CACNA2D1: variants seen among roughly 807,000 people sequenced by gnomAD.
The protein encoded by CACNA2D1 is calcium voltage-gated channel auxiliary subunit alpha2delta 1.
Under a neutral mutation model 171.5 loss-of-function variants are expected in CACNA2D1, and 53 were observed. The observed-to-expected ratio is 0.31, with a 90% CI of 0.25 to 0.39. The LOEUF is 0.39. Among genes scored for constraint, CACNA2D1 ranks in the 10% least tolerant of loss-of-function variants. The probability of loss-of-function intolerance (pLI) is 1.00; values close to 1 mark genes in which losing one functional copy is unlikely to be tolerated. For synonymous variants in CACNA2D1, 442 were observed against 443.1 expected (o/e 1.00, Z 0.03); for missense variants, 903 against 1,299.8 (o/e 0.69, Z 4.69).
intron 38 of CACNA2D1, 101 bp downstream of exon 38, chr7:81,959,174 G>C (rs1793796884): frequency 1.3e-5 from 11 of 818,554 alleles, no homozygotes; most frequent in Non-Finnish European, 1.9e-5. Flanking sequence ...CTATGGTTAA[G>C]ACATTACGTT....
intron 18 of CACNA2D1, among the ~76,000 whole-genome samples, chr7:82,003,240 T>C (rs1798781050): frequency 6.6e-6 from 1 of 152,104 alleles, no homozygotes; most frequent in African/African-American, 2.4e-5. Flanking sequence ...AATTTCTTTT[T>C]CATGGTGTTC....
intron 5 of CACNA2D1, among the ~76,000 whole-genome samples, chr7:82,130,986 T>G (rs1269581734): frequency 6.6e-6 from 1 of 151,898 alleles, no homozygotes; most frequent in Admixed American, 6.6e-5. Context: ...TATTTTTTAG[T>G]AGAGACAGGG....
In CACNA2D1 at chr7:81,984,725, A is replaced by C. The variant is rs775862838; in HGVS notation, c.1797-14T>G. 3.6e-6 allele frequency: 5 copies of C among 1,382,010 alleles called. No individual in the cohort carries two copies. The Admixed American group carries it at 7.7e-5, about 21-fold the overall frequency. 85.6% of individuals were successfully genotyped at this position (1,382,010 alleles called of 1,614,324 possible). On this transcript the variant is annotated splice_polypyrimidine_tract_variant and intron_variant, in intron 21 of 38. Coordinates refer to ENST00000356860, the MANE Select transcript of CACNA2D1 (RefSeq NM_000722.4). ...ACCAAGGCCAAACTGCAATAGAAAC[A>C]AGAGAAGCATAAACACAAACAAACA...
In CACNA2D1 at chr7:82,221,009, C is replaced by T. The variant is rs887002380; in HGVS notation, c.295-50400G>A. On this transcript the variant is annotated intron_variant, in intron 3 of 38. Coordinates refer to ENST00000356860, the MANE Select transcript of CACNA2D1 (RefSeq NM_000722.4). ...CAGACTGGTCTCAAACTCCTGACCT[C>T]GCATGATCTGCCCACCTTGGGTTCC... Among the ~76,000 whole-genome samples, 4 of 152,092 alleles carry T rather than the reference C, an allele frequency of 2.6e-5. No homozygotes were observed. In the East Asian group the frequency reaches 5.8e-4, roughly 22 times the overall value.
intron 3 of CACNA2D1, among the ~76,000 whole-genome samples, chr7:82,181,430 C>T (rs934053458): frequency 6.6e-6 from 1 of 152,178 alleles, no homozygotes; most frequent in Non-Finnish European, 1.5e-5. Context: ...TGCCCAGACC[C>T]GCTGGGGCAG....
In CACNA2D1 at chr7:82,198,071, T is replaced by G. The variant is rs147723919; in HGVS notation, c.295-27462A>C. ...GAATGAGCTCATGGTCCCAGGAGAA[T>G]GCCATTCATTTCTATACCCCCAGTA... On this transcript the variant is annotated intron_variant, in intron 3 of 38. Coordinates refer to ENST00000356860, the MANE Select transcript of CACNA2D1 (RefSeq NM_000722.4). 1.7e-3 allele frequency among the ~76,000 whole-genome samples: 253 copies of G among 152,150 alleles called. 1 individual carries two copies. The highest frequency in any genetic ancestry group is 5.8e-3 in the African/African-American group (240 of 41,546).
rs546808275 is a variant in CACNA2D1, at chr7:82,320,116, A to G, written c.294+15019T>C. Among the ~76,000 whole-genome samples the G allele has an allele frequency of 3.3e-5, 5 of 152,180 alleles. No individual in the cohort carries two copies. The East Asian group carries it at 9.7e-4, about 29-fold the overall frequency. ...TGGAAGACAGATGTTTGCCCCAACC[A>G]GCCTGTTAATTCTGAACTGATTATG... On this transcript the variant is annotated intron_variant, in intron 3 of 38. Transcript: ENST00000356860.
intron 3 of CACNA2D1, among the ~76,000 whole-genome samples, chr7:82,268,823 A>G (rs939114890): frequency 1.3e-5 from 2 of 152,296 alleles, no homozygotes; most frequent in African/African-American, 2.4e-5. Flanking sequence ...TAAATAGCAT[A>G]AGACAGGAAA....
intron 3 of CACNA2D1, among the ~76,000 whole-genome samples, chr7:82,218,422 C>T (rs1381445647): frequency 1.3e-5 from 2 of 152,118 alleles, no homozygotes; most frequent in Non-Finnish European, 2.9e-5. Flanking sequence ...AGCAGTAAGC[C>T]TGAAAACACA....
intron 3 of CACNA2D1, among the ~76,000 whole-genome samples, chr7:82,271,772 A>C (rs1419193252): frequency 6.6e-6 from 1 of 152,158 alleles, no homozygotes; most frequent in Non-Finnish European, 1.5e-5. Context: ...AGCTAATTAC[A>C]ATGGAAAACT....
intron 1 of CACNA2D1, among the ~76,000 whole-genome samples, chr7:82,425,878 C>T (rs1444618686): frequency 6.6e-6 from 1 of 151,058 alleles, no homozygotes; most frequent in East Asian, 2.0e-4. Flanking sequence ...CCTGTAATCC[C>T]TGCAATTTGG....
At chr7:82,001,684 A>T in intron 18 of CACNA2D1, 1 of 1,269,278 alleles carries the variant, frequency 7.9e-7, no homozygotes, top group Non-Finnish European at 1.0e-6. Context: ...CCTTTTTCTT[A>T]AATTAATTGT....
intron 3 of CACNA2D1, among the ~76,000 whole-genome samples, chr7:82,203,615 T>G (rs1341353699): frequency 1.3e-5 from 2 of 152,174 alleles, no homozygotes; most frequent in African/African-American, 4.8e-5. Flanking sequence ...TACGGGTAGT[T>G]GATCCAGGGC....
intron 5 of CACNA2D1, among the ~76,000 whole-genome samples, chr7:82,122,961 A>G (rs1156506219): frequency 6.6e-6 from 1 of 152,220 alleles, no homozygotes; most frequent in Non-Finnish European, 1.5e-5. Flanking sequence ...TACCTGAGGC[A>G]AAGACTGGCT....
intron 10 of CACNA2D1, among the ~76,000 whole-genome samples, chr7:82,052,825 T>G (rs1203221770): frequency 6.6e-6 from 1 of 152,180 alleles, no homozygotes; most frequent in Non-Finnish European, 1.5e-5. Context: ...TCTTTCTCTT[T>G]TCTTGGAAAA....
At chr7:82,408,078 T>G (rs1461573690) in intron 1 of CACNA2D1, among the ~76,000 whole-genome samples, 1 of 151,232 alleles carries the variant, frequency 6.6e-6, no homozygotes, top group African/African-American at 2.4e-5. Context: ...TGGAGTGCAG[T>G]GGCATGATCT....
At chr7:82,044,734 G>T (rs1039849885) in intron 10 of CACNA2D1, among the ~76,000 whole-genome samples, 1 of 152,004 alleles carries the variant, frequency 6.6e-6, no homozygotes, top group Admixed American at 6.6e-5. Context: ...GAGGCTGTGC[G>T]CTCCAAAATT....
chr7:82,163,802 CA>C lies in CACNA2D1; in HGVS notation c.354+6747del, dbSNP rs1158142527. Among the ~76,000 whole-genome samples the C allele has an allele frequency of 2.0e-5, 3 of 151,904 alleles. No homozygotes were observed. In the East Asian group the frequency reaches 5.8e-4, roughly 29 times the overall value. ...ATGCTCACTAGACTAGGCAAATATC[CA>C]TCAAGAGACTGTGCCAACTTGCTTG... On this transcript the variant is annotated intron_variant, in intron 4 of 38. Coordinates refer to ENST00000356860, the MANE Select transcript of CACNA2D1 (RefSeq NM_000722.4).
chr7:82,144,005 C>A (rs1383594807), intron 4 of CACNA2D1, among the ~76,000 whole-genome samples: 2 of 152,056 alleles, frequency 1.3e-5, no homozygotes. Context: ...TCACATCACC[C>A]CACTTATCTG....
Sources: allele counts gnomAD v4.1 joint callset (sites outside exome capture counted in the v4.1 genomes callset), GRCh38; gene constraint gnomAD v4.1.1; transcripts MANE v1.5; gene names NCBI Gene and HGNC (gene_info 2026-07-23, HGNC 2026-07-21).